Variants in SAV1 observed in about 807,000 individuals in gnomAD.
SAV1 encodes protein salvador homolog 1.
In SAV1, 23 loss-of-function variants were observed where a neutral mutation model predicts 47.3. That is an observed-to-expected ratio of 0.49 (90% CI 0.35 to 0.69). The LOEUF is 0.69. Among genes scored for constraint, SAV1 ranks in the 30% least tolerant of loss-of-function variants. The pLI, the probability that SAV1 is intolerant of heterozygous loss-of-function variation, is 0.01. For synonymous variants in SAV1, 155 were observed against 159.2 expected, an observed-to-expected ratio of 0.97 and a Z score of 0.20; for missense variants, 448 against 457.4, an observed-to-expected ratio of 0.98 and a Z score of 0.19.
chr14:50,651,323 T>C (rs141867753), intron 2 of SAV1, among the ~76,000 whole-genome samples: 59 of 152,358 alleles, frequency 3.9e-4, no homozygotes, highest in African/African-American at 1.4e-3. Context: ...TCTATTTTCA[T>C]AAAGTGTTGC....
rs1381781320 is a variant in SAV1, at chr14:50,666,756, C to T, written c.94+1118G>A. 1.0e-4 allele frequency among the ~76,000 whole-genome samples: 15 copies of T among 149,070 alleles called. No individual in the cohort carries two copies. In the South Asian group the frequency reaches 1.7e-3, roughly 17 times the overall value. On this transcript the variant is annotated intron_variant, in intron 1 of 4. Coordinates refer to ENST00000324679, the MANE Select transcript of SAV1 (RefSeq NM_021818.4). Reference sequence around the variant, plus strand: ...TTAAAAACAGCCAGAAACCTAACTGCATGTGTGACTGAAAATCAAGTTGTT... The same window carrying T: ...TTAAAAACAGCCAGAAACCTAACTGTATGTGTGACTGAAAATCAAGTTGTT...
At chr14:50,639,567 C>G (rs898080235) in intron 4 of SAV1, among the ~76,000 whole-genome samples, 3 of 152,128 alleles carry the variant, frequency 2.0e-5, no homozygotes, top group Admixed American at 6.5e-5. Context: ...AGAATTACAA[C>G]CTATTTGCTA....
intron 2 of SAV1, among the ~76,000 whole-genome samples, chr14:50,656,401 G>C (rs1166936743): frequency 6.6e-6 from 1 of 151,062 alleles, no homozygotes; most frequent in Non-Finnish European, 1.5e-5. Flanking sequence ...AACTTTCTTA[G>C]AGATATCTAT....
intron 4 of SAV1, 49 bp from the exon 5 acceptor site, chr14:50,635,433 T>G (rs766330757): frequency 5.7e-6 from 8 of 1,400,022 alleles, no homozygotes; most frequent in Non-Finnish European, 8.0e-6. Context: ...TACATAAACA[T>G]GTATTTCTAG....
chr14:50,645,338 T>C (rs1470572354), intron 2 of SAV1, among the ~76,000 whole-genome samples: 1 of 152,020 alleles, frequency 6.6e-6, no homozygotes, highest in African/African-American at 2.4e-5. Context: ...ATCCAAAACT[T>C]CGAGAGCTGA....
Position 50,665,199 on chromosome 14 carries a change from T to A in SAV1, c.515A>T (p.Asn172Ile), listed in dbSNP as rs761859833. The change falls in exon 2 of 5, where the codon AAT (asparagine) becomes ATT (isoleucine). Residue 172 changes from asparagine to isoleucine, a missense_variant. Asn to Ile is a moderately radical substitution (Grantham distance 149). Transcript: ENST00000324679. ...NHDLFQRMPQ[N>I]QGRHASGIGR... ...GCTACCTGAAGCATGCCTCCCCTGA[T>A]TCTGTGGCATTCTTTGGAAGAGATC... 1.3e-6 allele frequency: 2 copies of A among 1,580,938 alleles called. No individual in the cohort carries two copies. Among genetic ancestry groups the A allele is most frequent in the South Asian group, 2.4e-5 (2 of 85,060 alleles).
At chr14:50,662,947 C>G (rs1484591202) in intron 2 of SAV1, 3 of 152,224 alleles carry the variant, frequency 2.0e-5, no homozygotes, top group African/African-American at 7.2e-5. Flanking sequence ...ATGTGCTGTG[C>G]TAATCCTATC....
chr14:50,638,227 A>G (rs2039652405), intron 4 of SAV1, among the ~76,000 whole-genome samples: 1 of 152,168 alleles, frequency 6.6e-6, no homozygotes, highest in South Asian at 2.1e-4. Context: ...TGAAAAGTAT[A>G]AACTCCCATT....
At chr14:50,659,579 C>A (rs2934703) in intron 2 of SAV1, among the ~76,000 whole-genome samples, 1 of 152,090 alleles carries the variant, frequency 6.6e-6, no homozygotes, top group Non-Finnish European at 1.5e-5. Flanking sequence ...CTGGGTGCTG[C>A]GGCACATGCC....
chr14:50,668,098 G>C lies in SAV1; in HGVS notation c.-131C>G. 1 of 494,376 alleles carries C rather than the reference G, an allele frequency of 2.0e-6. No individual in the cohort carries two copies. Among genetic ancestry groups the C allele is most frequent in the Non-Finnish European group, 3.1e-6 (1 of 321,348 alleles). 30.6% of individuals were successfully genotyped at this position (494,376 alleles called of 1,614,324 possible). On this transcript the variant is annotated 5_prime_UTR_variant, in exon 1 of 5. Transcript: ENST00000324679. ...CTCCCGAGCCGCCGCCTCCGCCGCCGCCTGTCCGGAGCCCGGGGTCGCCCG... is the reference window on the plus strand; with the variant it reads ...CTCCCGAGCCGCCGCCTCCGCCGCCCCCTGTCCGGAGCCCGGGGTCGCCCG...
At chr14:50,656,935 T>C (rs1370125449) in intron 2 of SAV1, among the ~76,000 whole-genome samples, 3 of 151,992 alleles carry the variant, frequency 2.0e-5, no homozygotes, top group African/African-American at 4.8e-5. Context: ...TAATAAATCA[T>C]TCCTCCAGTA....
chr14:50,661,089 A>G (rs796958233), intron 2 of SAV1, among the ~76,000 whole-genome samples: 4 of 152,302 alleles, frequency 2.6e-5, no homozygotes, highest in African/African-American at 9.6e-5. Context: ...AACAGTCTGT[A>G]ACAGTTGCCT....
chr14:50,651,463 T>C (rs2039769059), intron 2 of SAV1, among the ~76,000 whole-genome samples: 1 of 152,172 alleles, frequency 6.6e-6, no homozygotes, highest in South Asian at 2.1e-4. Flanking sequence ...TTTTGCAACC[T>C]TTTAAATATC....
chr14:50,649,318 C>A (rs567786022), intron 2 of SAV1, among the ~76,000 whole-genome samples: 22 of 152,278 alleles, frequency 1.4e-4, no homozygotes, highest in African/African-American at 4.3e-4. Context: ...TACAAGAATC[C>A]CACAAAGAAG....
intron 1 of SAV1, chr14:50,667,592 G>A (rs1488147016): frequency 6.0e-6 from 3 of 500,942 alleles, no homozygotes; most frequent in Middle Eastern, 5.9e-4. Flanking sequence ...CTCTCTTCCA[G>A]TAATCAAAAC....
At position 50,640,787 on chromosome 14, in the gene SAV1, G is replaced by C. The variant is rs772876328; in HGVS notation, c.913C>G (p.Pro305Ala). The C allele has an allele frequency of 6.2e-7, 1 of 1,613,678 alleles. No homozygotes were observed. Among genetic ancestry groups the C allele is most frequent in the Non-Finnish European group, 8.5e-7 (1 of 1,179,826 alleles). The change falls in exon 4 of 5, where the codon CCT becomes GCT. Residue 305 changes from proline (P) to alanine (A), a missense_variant. Physicochemically the swap from Pro to Ala is conservative, Grantham distance 27 (BLOSUM62 -1). Transcript: ENST00000324679. ...PANPYHTAEI[P>A]DWLQVYARAP... ...CGTGCGTAAACCTGAAGCCAGTCAGGAATTTCTGCAGTATGATATGGATTT... is the reference window on the plus strand; with the variant it reads ...CGTGCGTAAACCTGAAGCCAGTCAGCAATTTCTGCAGTATGATATGGATTT...
At chr14:50,667,652 C>T (rs569042747) in intron 1 of SAV1, among the ~76,000 whole-genome samples, 2 of 130,152 alleles carry the variant, frequency 1.5e-5, no homozygotes, top group Admixed American at 8.4e-5. Context: ...TTAGGGGGTG[C>T]TCTTGGGGGG....
chr14:50,638,429 T>C (rs922118991), intron 4 of SAV1, among the ~76,000 whole-genome samples: 4 of 152,182 alleles, frequency 2.6e-5, no homozygotes, highest in African/African-American at 9.7e-5. Flanking sequence ...AAATAAGCCA[T>C]ATATACAAAT....
Position 50,637,664 on chromosome 14 carries a change from G to GTTTTTTTTTTT in SAV1, c.951-2291_951-2281dup, listed in dbSNP as rs373647297. 4.2e-3 allele frequency: 243 copies of GTTTTTTTTTTT among 58,256 alleles called. 5 individuals carry two copies. Among genetic ancestry groups the GTTTTTTTTTTT allele is most frequent in the African/African-American group, 9.8e-3 (226 of 23,124 alleles). 3.6% of individuals were successfully genotyped at this position (58,256 alleles called of 1,614,324 possible). A position where few individuals can be genotyped will look rare whatever the true frequency, so the allele number is the denominator to read the frequency against. ...AAAAAATCTTCAAACAATTTTGTCA[G>GTTTTTTTTTTT]TTTTTTTTTTTTTTTTTTTTTTTTT... is the stretch of plus-strand genomic sequence containing the variant. On this transcript the variant is annotated intron_variant, in intron 4 of 4. Coordinates refer to ENST00000324679, the MANE Select transcript of SAV1 (RefSeq NM_021818.4).
Sources: allele counts gnomAD v4.1 joint callset (sites outside exome capture counted in the v4.1 genomes callset), GRCh38; gene constraint gnomAD v4.1.1; transcripts MANE v1.5; gene names NCBI Gene and HGNC (gene_info 2026-07-23, HGNC 2026-07-21).